Variants in SORL1 observed in about 807,000 individuals in gnomAD.
SORL1 encodes sortilin related receptor 1, also known as sortilin-related receptor.
In SORL1, 127 loss-of-function variants were observed where a neutral mutation model predicts 273.7. That is an observed-to-expected ratio of 0.46 (90% CI 0.40 to 0.54). SORL1 has a LOEUF of 0.54. Ranked by LOEUF, SORL1 falls within the 20% of genes least tolerant of loss-of-function variation. The pLI, the probability that SORL1 is intolerant of heterozygous loss-of-function variation, is 0.00. For synonymous variants in SORL1, 1,031 were observed against 1,067.4 expected, an observed-to-expected ratio of 0.97 and a Z score of 0.66; for missense variants, 2,494 against 2,846.1, an observed-to-expected ratio of 0.88 and a Z score of 2.81.
chr11:121,605,482 A>T lies in SORL1; in HGVS notation c.4859A>T (p.Asp1620Val). 4 of 1,614,140 alleles carry T rather than the reference A, an allele frequency of 2.5e-6. No individual in the cohort carries two copies. Among genetic ancestry groups the T allele is most frequent in the Non-Finnish European group, 3.4e-6 (4 of 1,179,990 alleles). Residue 1620 changes from aspartate (D) to valine (V), a missense_variant, in exon 35 of 48, where the codon GAT becomes GTT. Physicochemically the swap from Asp to Val is radical, Grantham distance 152. This residue lies in a region of SORL1 where 1,609 missense variants were observed against 1,816.4 expected (regional missense o/e 0.89). Coordinates refer to ENST00000260197, the MANE Select transcript of SORL1 (RefSeq NM_003105.6). Reference sequence around the variant, plus strand: ...ACTGTATTAAAAGTCTTGAAACCAGATACCACGTATCAGGTTAAAGTACAG... The same window carrying T: ...ACTGTATTAAAAGTCTTGAAACCAGTTACCACGTATCAGGTTAAAGTACAG... ...TNTVLKVLKPDTTYQVKVQVQ... is the reference protein window; with the variant it reads ...TNTVLKVLKPVTTYQVKVQVQ...
chr11:121,587,448 G>GTC (rs1236014325), intron 27 of SORL1, among the ~76,000 whole-genome samples: 1 of 152,302 alleles, frequency 6.6e-6, no homozygotes, highest in South Asian at 2.1e-4. Context: ...CATTCCTGGT[G>GTC]TCTCTCTCTT....
chr11:121,452,743 G>GT lies in SORL1; in HGVS notation c.285+134dup, dbSNP rs1240674689. 5 of 820,490 alleles carry GT rather than the reference G, an allele frequency of 6.1e-6. No homozygotes were observed. Among genetic ancestry groups the GT allele is most frequent in the Admixed American group, 4.2e-5 (1 of 23,860 alleles). 50.8% of individuals were successfully genotyped at this position (820,490 alleles called of 1,614,324 possible). ...ACTGGGGACTTCCCGGCTTGCATTTGTTTTTTTCCTTCACGAGTACAACCG... is the reference window on the plus strand; with the variant it reads ...ACTGGGGACTTCCCGGCTTGCATTTGTTTTTTTTCCTTCACGAGTACAACCG... On this transcript the variant is annotated intron_variant, in intron 1 of 47. Transcript: ENST00000260197. The surrounding 1 kb of genome is among the most constrained non-coding windows in gnomAD (Gnocchi z 5.3).
chr11:121,485,408 C>T (rs2134806601), intron 3 of SORL1, among the ~76,000 whole-genome samples: 1 of 152,332 alleles, frequency 6.6e-6, no homozygotes, highest in South Asian at 2.1e-4. Flanking sequence ...TCCTGCGTCA[C>T]CTTGGGCAGT....
chr11:121,558,552 G>A lies in SORL1; in HGVS notation c.2664-39G>A, dbSNP rs760570062. ...TAGTATTTGAGCTCCCATTTCTCTA[G>A]TATTGATGAGGTATGTGTTCTGTCC... is the stretch of plus-strand genomic sequence containing the variant. On this transcript the variant is annotated intron_variant, in intron 19 of 47. Transcript: ENST00000260197. 4.3e-6 allele frequency: 7 copies of A among 1,610,470 alleles called. No homozygotes were observed. The Admixed American group carries it at 1.0e-4, about 23-fold the overall frequency.
chr11:121,526,115 A>G (rs1862119727), intron 11 of SORL1, among the ~76,000 whole-genome samples: 1 of 152,144 alleles, frequency 6.6e-6, no homozygotes, highest in Admixed American at 6.5e-5. Context: ...TTAAAAATAT[A>G]TTTTGGATTC....
chr11:121,530,129 A>C (rs1004713463), intron 11 of SORL1, among the ~76,000 whole-genome samples: 3 of 152,210 alleles, frequency 2.0e-5, no homozygotes, highest in Admixed American at 6.5e-5. Context: ...CATATTTATC[A>C]CATCAACACA....
At position 121,595,150 on chromosome 11, in the gene SORL1, A is replaced by G. The variant is rs544301254; in HGVS notation, c.4370-473A>G. Among the ~76,000 whole-genome samples, 19 of 152,240 alleles carry G rather than the reference A, an allele frequency of 1.2e-4. No homozygotes were observed. In the South Asian group the frequency reaches 3.9e-3, roughly 32 times the overall value. The stretch of plus-strand genomic sequence containing the variant: ...TGCCTCGTGGGACTGATAGGAGGGG[A>G]TATAAGGAATGTAGCTGCGTCTTAA... On this transcript the variant is annotated intron_variant, in intron 31 of 47. Coordinates refer to ENST00000260197, the MANE Select transcript of SORL1 (RefSeq NM_003105.6). The surrounding 1 kb of genome is among the most constrained non-coding windows in gnomAD (Gnocchi z 5.1).
intron 25 of SORL1, among the ~76,000 whole-genome samples, chr11:121,581,013 A>G (rs1863007555): frequency 6.6e-6 from 1 of 151,662 alleles, no homozygotes; most frequent in Admixed American, 6.6e-5. Context: ...CCCAGGTTCA[A>G]GCAATTCTCC....
intron 1 of SORL1, among the ~76,000 whole-genome samples, chr11:121,458,309 G>A (rs955597867): frequency 1.3e-5 from 2 of 152,132 alleles, no homozygotes; most frequent in African/African-American, 2.4e-5. Flanking sequence ...TAGAATTTGC[G>A]ACAATAATTC....
chr11:121,624,294 A>C (rs1017153417), intron 45 of SORL1, among the ~76,000 whole-genome samples: 18 of 152,164 alleles, frequency 1.2e-4, no homozygotes, highest in African/African-American at 4.3e-4. Flanking sequence ...GAGAAAAGTG[A>C]TGGAGTCTTT....
In SORL1 at chr11:121,452,383, C is replaced by A; in HGVS notation, c.52C>A (p.Leu18Met). The change falls in exon 1 of 48, where the codon CTG becomes ATG. Residue 18 changes from leucine (L) to methionine (M), a missense_variant. Leu to Met is a conservative substitution (Grantham distance 15). Around this residue, in one of 3 missense-constraint regions of SORL1, gnomAD observed 175 missense variants for 147.1 expected, o/e 1.19. Transcript: ENST00000260197. The surrounding 1 kb of genome is among the most constrained non-coding windows in gnomAD (Gnocchi z 5.3). ...RESRLPFLFTLVALLPPGALC... is the reference protein window; with the variant it reads ...RESRLPFLFTMVALLPPGALC... ...GTCGCGACTCCCGTTCCTATTCACC[C>A]TGGTCGCACTGCTGCCGCCCGGAGC... 1 of 1,549,894 alleles carries A rather than the reference C, an allele frequency of 6.5e-7. No homozygotes were observed. The highest frequency in any genetic ancestry group is 2.6e-5 in the East Asian group (1 of 38,354).
intron 11 of SORL1, among the ~76,000 whole-genome samples, chr11:121,528,188 G>T (rs1862150353): frequency 1.3e-5 from 2 of 152,102 alleles, no homozygotes; most frequent in Admixed American, 1.3e-4. Flanking sequence ...TGAGATATAG[G>T]CTGCACACAG....
Position 121,595,587 on chromosome 11 carries a change from T to A in SORL1, c.4370-36T>A. On this transcript the variant is annotated intron_variant, in intron 31 of 47. Coordinates refer to ENST00000260197, the MANE Select transcript of SORL1 (RefSeq NM_003105.6). This position sits in a 1 kb window ranked among gnomAD's most constrained non-coding sequence, Gnocchi z 5.1. ...TGCTGTTATTGGCCAGCTCCCTCAA[T>A]ATTAAAAAGTAAATTTTAAAAATCT... The A allele has an allele frequency of 6.5e-7, 1 of 1,539,220 alleles. No individual in the cohort carries two copies. Among genetic ancestry groups the A allele is most frequent in the Non-Finnish European group, 8.8e-7 (1 of 1,141,266 alleles).
chr11:121,561,328 T>C (rs1862669721), intron 21 of SORL1, among the ~76,000 whole-genome samples: 1 of 152,202 alleles, frequency 6.6e-6, no homozygotes, highest in Admixed American at 6.5e-5. Flanking sequence ...CACCTGTGAC[T>C]GAGGAGCAGT....
Position 121,588,044 on chromosome 11 carries a change from A to T in SORL1, c.3839A>T (p.Asp1280Val), listed in dbSNP as rs1863146192. ...GAGCCCCTCTGTACGCACTTCATGG[A>T]CTTTGTGTGTAAGAACCGCCAGCAG... The part of the protein sequence containing the change: ...HCEPLCTHFM[D>V]FVCKNRQQCL... The change falls in exon 28 of 48, where the codon GAC becomes GTC. Residue 1280 changes from aspartate to valine, a missense_variant. This residue lies in a region of SORL1 where 1,609 missense variants were observed against 1,816.4 expected (regional missense o/e 0.89). Transcript: ENST00000260197. The T allele has an allele frequency of 6.2e-7, 1 of 1,613,338 alleles. No homozygotes were observed. Among genetic ancestry groups the T allele is most frequent in the Non-Finnish European group, 8.5e-7 (1 of 1,179,698 alleles).
At chr11:121,561,151 T>C (rs1702209664) in intron 21 of SORL1, among the ~76,000 whole-genome samples, 1 of 152,212 alleles carries the variant, frequency 6.6e-6, no homozygotes, top group Admixed American at 6.5e-5. Flanking sequence ...GAAGAGTGGG[T>C]CTTCATTTTT....
At chr11:121,459,795 G>A (rs1860965086) in intron 1 of SORL1, among the ~76,000 whole-genome samples, 2 of 152,202 alleles carry the variant, frequency 1.3e-5, no homozygotes, top group African/African-American at 4.8e-5. Flanking sequence ...CCTTGATGTA[G>A]CTGGGTCTGT....
intron 1 of SORL1, among the ~76,000 whole-genome samples, chr11:121,454,940 C>G (rs1015424647): frequency 5.9e-5 from 9 of 152,162 alleles, no homozygotes; most frequent in African/African-American, 2.2e-4. Flanking sequence ...ACCCCCTTCA[C>G]TCTCAAAAGT....
At chr11:121,497,631 G>A (rs977852951) in intron 6 of SORL1, among the ~76,000 whole-genome samples, 9 of 152,208 alleles carry the variant, frequency 5.9e-5, no homozygotes, top group Non-Finnish European at 1.3e-4. Context: ...TGCCGAAATG[G>A]TGGGCTTGCT....
Sources: gnomAD v4.1 joint callset for allele counts (sites outside exome capture counted in the v4.1 genomes callset) on GRCh38, gnomAD v4.1.1 for gene constraint, gnomAD v4.1.1 regional missense constraint, Gnocchi (gnomAD v3.1) non-coding constraint, MANE v1.5 for transcripts, NCBI Gene and HGNC (gene_info 2026-07-23, HGNC 2026-07-21) for gene names.